Variants in CTNNA2 observed in about 807,000 individuals in gnomAD.
The protein encoded by CTNNA2 is catenin alpha 2.
In CTNNA2, 42 loss-of-function variants were observed where a neutral mutation model predicts 101.0. That is an observed-to-expected ratio of 0.42 (90% confidence interval 0.32 to 0.54). The LOEUF is 0.54. CTNNA2 is among the 20% of genes least tolerant of loss of function. CTNNA2 has a pLI of 0.14. For missense variants in CTNNA2, 871 were observed against 1,223.1 expected, an observed-to-expected ratio of 0.71 and a Z score of 4.29; for synonymous variants, 450 against 456.4, an observed-to-expected ratio of 0.99 and a Z score of 0.18.
intron 7 of CTNNA2, among the ~76,000 whole-genome samples, chr2:80,254,021 G>T (rs1027848827): frequency 8.5e-5 from 13 of 152,094 alleles, no homozygotes; most frequent in Non-Finnish European, 1.8e-4. Context: ...TAAGTAATTT[G>T]CATGCCAAGC....
intron 2 of CTNNA2, among the ~76,000 whole-genome samples, chr2:79,704,662 G>A (rs1457452336): frequency 3.3e-5 from 5 of 151,446 alleles, no homozygotes; most frequent in African/African-American, 9.8e-5. Context: ...ACAGGCACCC[G>A]CCACCACGCC....
intron 7 of CTNNA2, among the ~76,000 whole-genome samples, chr2:80,035,267 C>A (rs1008636890): frequency 6.6e-6 from 1 of 152,108 alleles, no homozygotes; most frequent in African/African-American, 2.4e-5. Flanking sequence ...CTGTCTCCAC[C>A]GCTTACATCT....
chr2:79,463,177 C>A lies in CTNNA2; in HGVS notation c.-134-41877C>A, dbSNP rs137868054. Among the ~76,000 whole-genome samples the A allele has an allele frequency of 1.3e-4, 19 of 151,974 alleles. No homozygotes were observed. In the East Asian group the frequency reaches 3.7e-3, roughly 29 times the overall value. ...CTGTAATCCCACCATTTTGGGAGGCCGAGGCAGGAGGATCACCTGAGGTCA... is the reference window on the plus strand; with the variant it reads ...CTGTAATCCCACCATTTTGGGAGGCAGAGGCAGGAGGATCACCTGAGGTCA... On this transcript the variant is annotated intron_variant, in intron 4 of 21. Transcript: ENST00000466387.
chr2:79,254,463 C>G (rs1474488525), intron 2 of CTNNA2, among the ~76,000 whole-genome samples: 4 of 152,206 alleles, frequency 2.6e-5, no homozygotes, highest in African/African-American at 4.8e-5. Flanking sequence ...TCCCTCTACA[C>G]TCTCTTTCTT....
chr2:80,643,914 T>C (rs1031880324), intron 18 of CTNNA2, among the ~76,000 whole-genome samples: 4 of 152,244 alleles, frequency 2.6e-5, no homozygotes, highest in East Asian at 1.9e-4. Context: ...AGGATGAGAC[T>C]AAGAATCACA....
intron 1 of CTNNA2, among the ~76,000 whole-genome samples, chr2:79,641,764 G>A (rs1185745622): frequency 6.6e-6 from 1 of 152,168 alleles, no homozygotes; most frequent in Non-Finnish European, 1.5e-5. Flanking sequence ...TGTGAATGCA[G>A]TGAAAAGCAA....
intron 7 of CTNNA2, among the ~76,000 whole-genome samples, chr2:80,049,443 A>G (rs1696731255): frequency 6.6e-6 from 1 of 152,184 alleles, no homozygotes; most frequent in African/African-American, 2.4e-5. Flanking sequence ...AAAAATTATC[A>G]TACATTTTGA....
chr2:80,031,697 A>T (rs143865403), intron 7 of CTNNA2, among the ~76,000 whole-genome samples: 2 of 152,202 alleles, frequency 1.3e-5, no homozygotes, highest in African/African-American at 4.8e-5. Context: ...ATAAATTTCT[A>T]TGTTGTTTAA....
chr2:80,566,297 T>G lies in CTNNA2; in HGVS notation c.1742-7866T>G, dbSNP rs1334736356. On this transcript the variant is annotated intron_variant, in intron 12 of 18. Coordinates refer to ENST00000402739, the MANE Select transcript of CTNNA2 (RefSeq NM_001282597.3). Reference sequence around the variant, plus strand: ...TCATTTCAGAAGTGGCATCCCATCTTTTTTTGCCATATTCTGTTGGTTAGA... The same window carrying G: ...TCATTTCAGAAGTGGCATCCCATCTGTTTTTGCCATATTCTGTTGGTTAGA... 3.3e-5 allele frequency among the ~76,000 whole-genome samples: 5 copies of G among 152,128 alleles called. No homozygotes were observed. In the South Asian group the frequency reaches 8.3e-4, roughly 25 times the overall value.
chr2:80,063,445 GA>G (rs563623274), intron 7 of CTNNA2, among the ~76,000 whole-genome samples: 1 of 152,042 alleles, frequency 6.6e-6, no homozygotes, highest in Non-Finnish European at 1.5e-5. Flanking sequence ...AAAAATAAAA[GA>G]AAAAAAGAAG....
intron 1 of CTNNA2, among the ~76,000 whole-genome samples, chr2:79,573,416 G>A (rs1675587450): frequency 6.6e-6 from 1 of 152,144 alleles, no homozygotes; most frequent in Admixed American, 6.6e-5. Flanking sequence ...TTTGAAAAGT[G>A]GACTAACTTA....
chr2:79,766,890 G>A (rs1197272695), intron 3 of CTNNA2, among the ~76,000 whole-genome samples: 1 of 151,836 alleles, frequency 6.6e-6, no homozygotes, highest in African/African-American at 2.4e-5. Context: ...CAAGTAGCTG[G>A]GATTATAGAC....
intron 9 of CTNNA2, among the ~76,000 whole-genome samples, chr2:80,485,101 CGTGT>C (rs1248056026): frequency 6.6e-6 from 1 of 152,016 alleles, no homozygotes; most frequent in Non-Finnish European, 1.5e-5. Flanking sequence ...TGTAAGTGTA[CGTGT>C]GTGTTGTTTG....
intron 2 of CTNNA2, among the ~76,000 whole-genome samples, chr2:79,280,276 C>G (rs1675328505): frequency 6.6e-6 from 1 of 152,040 alleles, no homozygotes; most frequent in African/African-American, 2.4e-5. Flanking sequence ...TGAATCCTTC[C>G]CTGGACTCTA....
intron 1 of CTNNA2, among the ~76,000 whole-genome samples, chr2:79,197,100 G>A (rs1673971409): frequency 6.6e-6 from 1 of 152,172 alleles, no homozygotes; most frequent in African/African-American, 2.4e-5. Flanking sequence ...AACATGCAAA[G>A]TGCTGAAAAT....
chr2:80,589,054 T>C (rs753951957), intron 14 of CTNNA2, among the ~76,000 whole-genome samples: 1 of 152,200 alleles, frequency 6.6e-6, no homozygotes, highest in Non-Finnish European at 1.5e-5. Flanking sequence ...AGTTCTGTTA[T>C]TGCCAGTGCG....
At chr2:79,445,013 A>G (rs1678817720) in intron 4 of CTNNA2, among the ~76,000 whole-genome samples, 1 of 152,142 alleles carries the variant, frequency 6.6e-6, no homozygotes, top group Non-Finnish European at 1.5e-5. Context: ...ATGGCACAAT[A>G]CTACTGGGGC....
chr2:79,598,917 A>G (rs1350305547), intron 1 of CTNNA2, among the ~76,000 whole-genome samples: 1 of 152,126 alleles, frequency 6.6e-6, no homozygotes, highest in African/African-American at 2.4e-5. Flanking sequence ...GTTATCTTTT[A>G]GAAGTTTTAT....
intron 6 of CTNNA2, among the ~76,000 whole-genome samples, chr2:79,875,359 A>G (rs919214023): frequency 8.5e-5 from 13 of 152,238 alleles, no homozygotes; most frequent in African/African-American, 2.9e-4. Flanking sequence ...TCTACTTTCC[A>G]GGGTTAAATA....
Sources: allele counts gnomAD v4.1 joint callset (sites outside exome capture counted in the v4.1 genomes callset), GRCh38; gene constraint gnomAD v4.1.1; transcripts MANE v1.5; gene names NCBI Gene and HGNC (gene_info 2026-07-23, HGNC 2026-07-21).